Variants in UBE2C observed in about 807,000 individuals in gnomAD.
UBE2C encodes the protein ubiquitin-conjugating enzyme E2 C.
A neutral mutation model predicts 23.5 loss-of-function variants in UBE2C; 16 were observed. That is an observed-to-expected ratio of 0.68 (90% CI 0.46 to 1.03). The LOEUF (loss-of-function observed/expected upper bound fraction) is 1.03, where lower values mean the gene tolerates loss of function less well. Among genes scored for constraint, UBE2C ranks in the 50% least tolerant of loss-of-function variants. The probability of loss-of-function intolerance (pLI) is 0.00; values close to 1 mark genes in which losing one functional copy is unlikely to be tolerated. For missense variants in UBE2C, 192 were observed against 227.6 expected (o/e 0.84, Z 1.01); for synonymous variants, 76 against 91.6 (o/e 0.83, Z 0.97).
chr20:45,815,615 G>T lies in UBE2C; in HGVS notation c.291G>T (p.Lys97Asn). Reference sequence around the variant, plus strand: ...ACCCTTACAATGCGCCCACAGTGAAGTTCCTCACGCCCTGCTATCACCCCA... The same window carrying T: ...ACCCTTACAATGCGCCCACAGTGAATTTCCTCACGCCCTGCTATCACCCCA... ...SGYPYNAPTV[K>N]FLTPCYHPNV... The change falls in exon 4 of 6, where the codon AAG becomes AAT. Residue 97 changes from lysine to asparagine, a missense_variant. Physicochemically the swap from Lys to Asn is moderately conservative, Grantham distance 94. Transcript: ENST00000356455. 6.2e-7 allele frequency: 1 copy of T among 1,614,120 alleles called. No homozygotes were observed. Among genetic ancestry groups the T allele is most frequent in the East Asian group, 2.2e-5 (1 of 44,870 alleles).
chr20:45,814,264 A>G lies in UBE2C; in HGVS notation c.130-120A>G, dbSNP rs1278079001. ...TATACATATATATGTGTGTGTGTGT[A>G]TGTGAGCATATATATATATATATAT... On this transcript the variant is annotated intron_variant, in intron 2 of 5. Coordinates refer to ENST00000356455, the MANE Select transcript of UBE2C (RefSeq NM_007019.4). The G allele has an allele frequency of 7.8e-5, 26 of 335,032 alleles. 1 individual carries two copies. The Admixed American group carries it at 7.9e-4, about 10-fold the overall frequency. The allele number at this position is 335,032 out of a possible 1,614,324, so 20.8% of individuals were successfully genotyped here.
At chr20:45,814,894 A>C (rs1169894892) in intron 3 of UBE2C, among the ~76,000 whole-genome samples, 1 of 148,678 alleles carries the variant, frequency 6.7e-6, no homozygotes, top group Admixed American at 6.7e-5. Flanking sequence ...TGCGGACTGC[A>C]GTGGCGCAAT....
At chr20:45,812,898 C>A (rs1355445946) in intron 1 of UBE2C, 102 bp downstream of exon 1, 4 of 1,449,738 alleles carry the variant, frequency 2.8e-6, no homozygotes, top group East Asian at 2.5e-5. Flanking sequence ...CCTCCTGGAG[C>A]GGGAGATCTG....
chr20:45,814,680 G>A (rs560379718), intron 3 of UBE2C, among the ~76,000 whole-genome samples: 2 of 152,190 alleles, frequency 1.3e-5, no homozygotes, highest in Non-Finnish European at 2.9e-5. Context: ...TACATGGGGG[G>A]ACAGACAGCA....
At chr20:45,813,206 G>A in intron 1 of UBE2C, 5 of 1,436,150 alleles carry the variant, frequency 3.5e-6, no homozygotes, top group Non-Finnish European at 4.5e-6. Flanking sequence ...CTAAAGCCTG[G>A]GGAATTAAGA....
intron 5 of UBE2C, 80 bp downstream of exon 5, chr20:45,815,993 CTTGGGACCGGGTTGG>C: frequency 6.5e-7 from 1 of 1,529,928 alleles, no homozygotes; most frequent in African/African-American, 1.4e-5. Flanking sequence ...AGCCCAGTGA[CTTGGGACCGGGTTGG>C]TTGGGGCAGG....
chr20:45,814,146 CTA>C (rs1555817446), intron 2 of UBE2C, among the ~76,000 whole-genome samples: 1,420 of 133,856 alleles, frequency 0.011, 18 homozygotes, highest in African/African-American at 0.03. Flanking sequence ...CTCTCTCTCT[CTA>C]TATATATATA....
chr20:45,815,554 T>C lies in UBE2C; in HGVS notation c.230T>C (p.Leu77Pro), dbSNP rs1448910805. 6.2e-7 allele frequency: 1 copy of C among 1,614,100 alleles called. No individual in the cohort carries two copies. The highest frequency in any genetic ancestry group is 1.3e-5 in the African/African-American group (1 of 75,012). The change falls in exon 4 of 6, where the codon CTG becomes CCG. Residue 77 changes from leucine to proline, a missense_variant. Transcript: ENST00000356455. ...TCCAAATGCCAGGTATATGAAGACC[T>C]GAGGTATAAGCTCTCGCTAGAGTTC... Reference protein sequence around the residue: ...HGAAGTVYEDLRYKLSLEFPS... With the variant: ...HGAAGTVYEDPRYKLSLEFPS...
Position 45,812,722 on chromosome 20 carries a change from C to A in UBE2C, c.27C>A (p.Ala9=), listed in dbSNP as rs773297293. 26 of 1,553,132 alleles carry A rather than the reference C, an allele frequency of 1.7e-5. No individual in the cohort carries two copies. The highest frequency in any genetic ancestry group is 2.0e-5 in the Non-Finnish European group (23 of 1,148,238). The change falls in exon 1 of 6, where the codon GCC becomes GCA. Residue 9 remains alanine (A), a synonymous_variant. Coordinates refer to ENST00000356455, the MANE Select transcript of UBE2C (RefSeq NM_007019.4). MASQNRDP[A]ATSVAAARKG... is the part of the protein sequence containing the mutation. ...TGGCTTCCCAAAACCGCGACCCAGC[C>A]GCCACTAGCGTCGCCGCCGCCCGTA...
At chr20:45,812,990 C>G in intron 1 of UBE2C, 194 bp downstream of exon 1, 1 of 1,430,808 alleles carries the variant, frequency 7.0e-7, no homozygotes, top group Non-Finnish European at 9.1e-7. Context: ...TTCCGGGACT[C>G]CCACCTCCTT....
intron 2 of UBE2C, 104 bp downstream of exon 2, chr20:45,813,568 C>T: frequency 2.0e-6 from 3 of 1,503,680 alleles, no homozygotes; most frequent in Non-Finnish European, 2.8e-6. Flanking sequence ...GTAATTTGCT[C>T]CCTCCTGGGA....
intron 2 of UBE2C, among the ~76,000 whole-genome samples, chr20:45,814,128 ATCTC>A (rs10644383): frequency 6.4e-4 from 90 of 141,046 alleles, no homozygotes; most frequent in South Asian, 6.0e-3. Context: ...CTCTCTCTCA[ATCTC>A]TCTCTCTCTC....
At position 45,815,570 on chromosome 20, in the gene UBE2C, G is replaced by C. The variant is rs368265822; in HGVS notation, c.246G>C (p.Ser82=). 11 of 1,613,916 alleles carry C rather than the reference G, an allele frequency of 6.8e-6. No homozygotes were observed. In the Admixed American group the frequency reaches 1.5e-4, roughly 22 times the overall value. ...ATGAAGACCTGAGGTATAAGCTCTC[G>C]CTAGAGTTCCCCAGTGGCTACCCTT... The part of the protein sequence containing the change: ...TVYEDLRYKL[S]LEFPSGYPYN... Residue 82 remains serine, a synonymous_variant, in exon 4 of 6, where the codon TCG becomes TCC. Transcript: ENST00000356455.
chr20:45,814,128 A>ATCTCTC (rs10644383), intron 2 of UBE2C, among the ~76,000 whole-genome samples: 66 of 141,038 alleles, frequency 4.7e-4, no homozygotes, highest in South Asian at 1.1e-3. Context: ...CTCTCTCTCA[A>ATCTCTC]TCTCTCTCTC....
rs3080107 is a variant in UBE2C, at chr20:45,814,271, C to CATATATATATATATAT, written c.130-99_130-84dup. The CATATATATATATATAT allele has an allele frequency of 4.3e-3, 1,697 of 391,150 alleles. 33 individuals carry two copies. Among genetic ancestry groups the CATATATATATATATAT allele is most frequent in the African/African-American group, 0.014 (564 of 39,734 alleles). 24.2% of individuals were successfully genotyped at this position (391,150 alleles called of 1,614,324 possible). On this transcript the variant is annotated intron_variant, in intron 2 of 5. Coordinates refer to ENST00000356455, the MANE Select transcript of UBE2C (RefSeq NM_007019.4). ...ATATATGTGTGTGTGTGTATGTGAG[C>CATATATATATATATAT]ATATATATATATATATATATATATA...
chr20:45,813,108 T>A (rs1339841399), intron 1 of UBE2C: 20 of 1,396,322 alleles, frequency 1.4e-5, no homozygotes, highest in African/African-American at 2.9e-5. Flanking sequence ...ACTCCTTCCC[T>A]GGTGGGCCTA....
At chr20:45,814,553 T>C (rs1982304411) in intron 3 of UBE2C, 83 bp downstream of exon 3, 3 of 1,131,182 alleles carry the variant, frequency 2.7e-6, no homozygotes, top group South Asian at 2.7e-5. Context: ...TTCAAGCCTT[T>C]GGCGGAGCAA....
chr20:45,815,133 G>A (rs950093807), intron 3 of UBE2C, among the ~76,000 whole-genome samples: 13 of 151,280 alleles, frequency 8.6e-5, no homozygotes, highest in South Asian at 2.1e-4. Flanking sequence ...CACCACGCCC[G>A]GCCAGCAACT....
chr20:45,814,986 C>G (rs966477417), intron 3 of UBE2C, among the ~76,000 whole-genome samples: 1 of 151,542 alleles, frequency 6.6e-6, no homozygotes, highest in Non-Finnish European at 1.5e-5. Context: ...TACAGGCGCC[C>G]GCCACCACGC....
Sources: gnomAD v4.1 joint callset for allele counts (sites outside exome capture counted in the v4.1 genomes callset) on GRCh38, gnomAD v4.1.1 for gene constraint, MANE v1.5 for transcripts, NCBI Gene and HGNC (gene_info 2026-07-23, HGNC 2026-07-21) for gene names.